RALGPS2: variants seen among roughly 807,000 people sequenced by gnomAD.
The protein encoded by RALGPS2 is Ral GEF with PH domain and SH3 binding motif 2, also known as ras-specific guanine nucleotide-releasing factor RalGPS2.
Under a neutral mutation model 86.8 loss-of-function variants are expected in RALGPS2, and 43 were observed. That is an observed-to-expected ratio of 0.50 (90% CI 0.39 to 0.64). The LOEUF is 0.64. Ranked by LOEUF, RALGPS2 falls within the 30% of genes least tolerant of loss-of-function variation. The pLI, the probability that RALGPS2 is intolerant of heterozygous loss-of-function variation, is 0.00. For missense variants in RALGPS2, 536 were observed against 694.6 expected (o/e 0.77, Z 2.57); for synonymous variants, 243 against 231.3 (o/e 1.05, Z -0.46).
chr1:178,744,430 T>G (rs1023764420), intron 1 of RALGPS2, among the ~76,000 whole-genome samples: 6 of 152,184 alleles, frequency 3.9e-5, no homozygotes, highest in African/African-American at 1.4e-4. Context: ...GCTTTTTCTC[T>G]AAGACCAGCA....
Position 178,784,484 on chromosome 1 carries a change from G to T in RALGPS2, c.124G>T (p.Val42Leu), listed in dbSNP as rs1653552697. ...SELKKSFDAV[V>L]FDVLKVTPEE... ...ATTGAAGAAAAGCTTTGATGCTGTG[G>T]TATTCGATGTTCTTAAGGTTACACC... The change falls in exon 3 of 20, where the codon GTA becomes TTA. Residue 42 changes from valine to leucine, a missense_variant. By Grantham distance (32) the Val-to-Leu change is conservative. Coordinates refer to ENST00000367635, the MANE Select transcript of RALGPS2 (RefSeq NM_152663.5). 1 of 1,605,516 alleles carries T rather than the reference G, an allele frequency of 6.2e-7. No individual in the cohort carries two copies. Among genetic ancestry groups the T allele is most frequent in the Admixed American group, 1.7e-5 (1 of 59,808 alleles).
intron 1 of RALGPS2, among the ~76,000 whole-genome samples, chr1:178,738,259 A>AGT (rs1650834447): frequency 7.8e-6 from 1 of 127,610 alleles, no homozygotes; most frequent in Non-Finnish European, 1.5e-5. Context: ...CCCAGGCTGG[A>AGT]GTGCAGTGGC....
chr1:178,900,293 T>G (rs1175838781), intron 17 of RALGPS2, among the ~76,000 whole-genome samples: 1 of 151,964 alleles, frequency 6.6e-6, no homozygotes, highest in Non-Finnish European at 1.5e-5. Flanking sequence ...GTATATATTT[T>G]TTTGCCTATG....
chr1:178,785,242 A>G (rs146556699), intron 3 of RALGPS2, among the ~76,000 whole-genome samples: 1 of 152,146 alleles, frequency 6.6e-6, no homozygotes, highest in East Asian at 1.9e-4. Flanking sequence ...AATCATCATA[A>G]CAAGAACACT....
intron 1 of RALGPS2, among the ~76,000 whole-genome samples, chr1:178,750,954 A>C (rs1651619486): frequency 6.6e-6 from 1 of 152,192 alleles, no homozygotes; most frequent in South Asian, 2.1e-4. Context: ...TCATGTACAC[A>C]GTATTCATAC....
At chr1:178,838,914 G>A (rs540570867) in intron 8 of RALGPS2, among the ~76,000 whole-genome samples, 2 of 152,316 alleles carry the variant, frequency 1.3e-5, no homozygotes, top group East Asian at 3.9e-4. Context: ...AAGGGTATCA[G>A]TGATTGAAGA....
rs751555126 is a variant in RALGPS2, at chr1:178,784,557, A to G, written c.162+35A>G. The G allele has an allele frequency of 4.8e-6, 7 of 1,461,704 alleles. No homozygotes were observed. In the Admixed American group the frequency reaches 1.3e-4, roughly 26 times the overall value. 90.5% of individuals were successfully genotyped at this position (1,461,704 alleles called of 1,614,324 possible). On this transcript the variant is annotated intron_variant, in intron 3 of 19. Transcript: ENST00000367635. ...CTACCTCTGTCTTCTCCGGTTTTGC[A>G]CATAATTTACATATTGGTGCTATTG...
At chr1:178,891,815 A>G (rs1659722587) in intron 14 of RALGPS2, among the ~76,000 whole-genome samples, 1 of 152,096 alleles carries the variant, frequency 6.6e-6, no homozygotes, top group South Asian at 2.1e-4. Flanking sequence ...TCATAGGGAC[A>G]TATAATAAAA....
intron 5 of RALGPS2, 36 bp downstream of exon 5, chr1:178,808,164 CA>C (rs764374294): frequency 7.5e-7 from 1 of 1,339,458 alleles, no homozygotes; most frequent in African/African-American, 1.5e-5. Flanking sequence ...GTCTGAAATT[CA>C]GTTCCTCAAT....
rs75173483 is a variant in RALGPS2 at position 178,784,707 on chromosome 1, T to C, written c.162+185T>C. On this transcript the variant is annotated intron_variant, in intron 3 of 19. Transcript: ENST00000367635. ...GAAGTGGGAAAAGTAAGAAAAGCTG[T>C]ACATTTTTTTTTAGGGCAACTTTAT... is the stretch of plus-strand genomic sequence containing the variant. Among the ~76,000 whole-genome samples the C allele has an allele frequency of 6.1e-3, 924 of 152,108 alleles. 14 individuals are homozygous for C. Among genetic ancestry groups the C allele is most frequent in the African/African-American group, 0.022 (895 of 41,474 alleles).
chr1:178,747,211 C>A lies in RALGPS2; in HGVS notation c.-84+21792C>A, dbSNP rs80018161. On this transcript the variant is annotated intron_variant, in intron 1 of 19. Transcript: ENST00000367635. Reference sequence around the variant, plus strand: ...CAGTGCCTGCACTACGGTGGATCACCACAGGTCCATGGTCAGGGTTCAAGG... The same window carrying A: ...CAGTGCCTGCACTACGGTGGATCACAACAGGTCCATGGTCAGGGTTCAAGG... 5.8e-3 allele frequency: 7,675 copies of A among 1,324,366 alleles called. 46 individuals are homozygous for A. Among genetic ancestry groups the A allele is most frequent in the Non-Finnish European group, 5.9e-3 (5,394 of 915,972 alleles). 82.0% of individuals were successfully genotyped at this position (1,324,366 alleles called of 1,614,324 possible).
At chr1:178,777,081 C>T (rs898060930) in intron 2 of RALGPS2, among the ~76,000 whole-genome samples, 3 of 149,424 alleles carry the variant, frequency 2.0e-5, no homozygotes, top group African/African-American at 7.4e-5. Flanking sequence ...AGGTATATCT[C>T]CCAATGCTAT....
chr1:178,907,434 C>T (rs1020605405), intron 19 of RALGPS2, among the ~76,000 whole-genome samples: 20 of 152,266 alleles, frequency 1.3e-4, no homozygotes, highest in African/African-American at 4.3e-4. Context: ...ATGTGGGTTT[C>T]TGTGGTGGTA....
chr1:178,863,979 C>T (rs1658212703), intron 8 of RALGPS2, among the ~76,000 whole-genome samples: 1 of 152,168 alleles, frequency 6.6e-6, no homozygotes, highest in Admixed American at 6.5e-5. Flanking sequence ...AGTGAATGAG[C>T]TGCAATTTAT....
intron 8 of RALGPS2, among the ~76,000 whole-genome samples, chr1:178,856,194 G>GATATATATATAT (rs776840814): frequency 2.3e-4 from 23 of 99,170 alleles, no homozygotes; most frequent in South Asian, 1.0e-3. Context: ...CTTTTCCAGA[G>GATATATATATAT]AGAGAGAGAT....
At chr1:178,825,267 A>G (rs974535951) in intron 7 of RALGPS2, among the ~76,000 whole-genome samples, 2 of 152,188 alleles carry the variant, frequency 1.3e-5, no homozygotes, top group Non-Finnish European at 2.9e-5. Flanking sequence ...GGTTAAGGGT[A>G]GCACAAGAGG....
chr1:178,791,312 A>G (rs1233129729), intron 4 of RALGPS2, among the ~76,000 whole-genome samples: 1 of 139,110 alleles, frequency 7.2e-6, no homozygotes, highest in Admixed American at 7.5e-5. Flanking sequence ...TTTTTTGGAT[A>G]GAGACAAGGT....
intron 1 of RALGPS2, among the ~76,000 whole-genome samples, chr1:178,758,011 C>T (rs1572293001): frequency 6.6e-6 from 1 of 151,980 alleles, no homozygotes; most frequent in East Asian, 1.9e-4. Context: ...CTAATTCAAT[C>T]TTGGGGGGTT....
chr1:178,913,449 C>T (rs1388908408), intron 19 of RALGPS2, among the ~76,000 whole-genome samples: 1 of 152,134 alleles, frequency 6.6e-6, no homozygotes, highest in Admixed American at 6.5e-5. Flanking sequence ...TCTCACTGAG[C>T]TTCCTTGCTA....
Sources: gnomAD v4.1 joint callset for allele counts (sites outside exome capture counted in the v4.1 genomes callset) on GRCh38, gnomAD v4.1.1 for gene constraint, MANE v1.5 for transcripts, NCBI Gene and HGNC (gene_info 2026-07-23, HGNC 2026-07-21) for gene names.